Variants in ACOT7 observed in about 807,000 individuals in gnomAD.
The protein encoded by ACOT7 is acyl-CoA thioesterase 7.
ACOT7 carries 12 observed loss-of-function variants against 40.2 expected under a neutral mutation model. The ratio of observed to expected loss-of-function variants is 0.30; its 90% CI spans 0.19 to 0.48. The LOEUF (loss-of-function observed/expected upper bound fraction) is 0.48, where lower values mean the gene tolerates loss of function less well. ACOT7 is among the 20% of genes least tolerant of loss of function. ACOT7 has a pLI of 0.99. For missense variants in ACOT7, 395 were observed against 530.8 expected (o/e 0.74, Z 2.51); for synonymous variants, 228 against 219.5 (o/e 1.04, Z -0.34).
Position 6,327,284 on chromosome 1 carries a change from G to C in ACOT7, c.625+15C>G, listed in dbSNP as rs748238967. ...GTGAGGAGTGGCACCTGCTGCTGGT[G>C]TCCGCGGCTCTTACCTGGGTTGAGG... On this transcript the variant is annotated intron_variant, in intron 5 of 8. Transcript: ENST00000361521. 6.2e-7 allele frequency: 1 copy of C among 1,613,468 alleles called. No homozygotes were observed. The highest frequency in any genetic ancestry group is 8.5e-7 in the Non-Finnish European group (1 of 1,179,498).
At chr1:6,360,723 G>C (rs1382470450) in intron 1 of ACOT7, 1 of 1,608,844 alleles carries the variant, frequency 6.2e-7, no homozygotes, top group African/African-American at 1.3e-5. Flanking sequence ...ATGAGCCTGG[G>C]CCCCAATACT....
rs377615566 is a variant in ACOT7 at position 6,270,327 on chromosome 1, G to C, written c.1015-5632C>G. Among the ~76,000 whole-genome samples the C allele has an allele frequency of 2.0e-5, 3 of 152,228 alleles. No individual in the cohort carries two copies. In the East Asian group the frequency reaches 5.8e-4, roughly 29 times the overall value. On this transcript the variant is annotated intron_variant, in intron 8 of 8. Transcript: ENST00000361521. ...GGTTGGGGGTGGGTGGAGGACGAAA[G>C]AACGCTCTGCGGGAAGACAGATGTC...
chr1:6,377,855 G>T (rs1642262803), intron 1 of ACOT7, among the ~76,000 whole-genome samples: 1 of 152,164 alleles, frequency 6.6e-6, no homozygotes, highest in South Asian at 2.1e-4. Context: ...CGGATCACAA[G>T]GTCAGGAGAT....
rs573093670 is a variant in ACOT7, at chr1:6,276,905, C to T, written c.1014+4197G>A. ...GCGGCCACACCCAGGGGATGGGCTG[C>T]CATTCCCTCCATTCAAGCTGGCGCC... On this transcript the variant is annotated intron_variant, in intron 8 of 8. Coordinates refer to ENST00000361521, the MANE Select transcript of ACOT7 (RefSeq NM_007274.4). Among the ~76,000 whole-genome samples, 19 of 152,248 alleles carry T rather than the reference C, an allele frequency of 1.2e-4. No individual in the cohort carries two copies. The South Asian group carries it at 3.9e-3, about 32-fold the overall frequency.
Position 6,306,119 on chromosome 1 carries a change from A to C in ACOT7, c.713-11139T>G, listed in dbSNP as rs1164880648. 2.0e-6 allele frequency: 1 copy of C among 495,334 alleles called. No homozygotes were observed. Among genetic ancestry groups the C allele is most frequent in the Non-Finnish European group, 2.6e-6 (1 of 385,476 alleles). The allele number at this position is 495,334 out of a possible 1,614,324, so 30.7% of individuals were successfully genotyped here. ...CAGGAGAATCAGGCAGGGAGGTTGC[A>C]GTGAGCCAAGATGGCAGCAGCACAG... On this transcript the variant is annotated intron_variant, in intron 6 of 8. Transcript: ENST00000361521. The surrounding 1 kb of genome is among the most constrained non-coding windows in gnomAD (Gnocchi z 4.3).
intron 3 of ACOT7, among the ~76,000 whole-genome samples, chr1:6,334,454 A>C (rs1641045492): frequency 6.6e-6 from 1 of 152,196 alleles, no homozygotes. Flanking sequence ...GGGGAGGGGC[A>C]GGGGGGACGG....
At position 6,288,790 on chromosome 1, in the gene ACOT7, C is replaced by T. The variant is rs1639582535; in HGVS notation, c.829+6074G>A. Among the ~76,000 whole-genome samples, 1 of 152,216 alleles carries T rather than the reference C, an allele frequency of 6.6e-6. No homozygotes were observed. Among genetic ancestry groups the T allele is most frequent in the African/African-American group, 2.4e-5 (1 of 41,456 alleles). On this transcript the variant is annotated intron_variant, in intron 7 of 8. Transcript: ENST00000361521. The surrounding 1 kb of genome is among the most constrained non-coding windows in gnomAD (Gnocchi z 4.3). ...CCAGCCACGACAAGTGCCCCAAGTT[C>T]GTAAGTTCCTCCTAGGCACACACCC...
chr1:6,265,852 A>G (rs559898441), intron 8 of ACOT7, among the ~76,000 whole-genome samples: 2 of 152,188 alleles, frequency 1.3e-5, no homozygotes, highest in Non-Finnish European at 2.9e-5. Context: ...CTGTACAGCT[A>G]TTTTTGGGCC....
chr1:6,298,963 T>C (rs1639887968), intron 6 of ACOT7, among the ~76,000 whole-genome samples: 1 of 152,202 alleles, frequency 6.6e-6, no homozygotes, highest in African/African-American at 2.4e-5. Context: ...TACCACAGTG[T>C]GGTTCAGGAG....
intron 5 of ACOT7, among the ~76,000 whole-genome samples, chr1:6,324,443 TACAG>T (rs1640744284): frequency 6.6e-6 from 1 of 152,110 alleles, no homozygotes; most frequent in African/African-American, 2.4e-5. Flanking sequence ...CGTGTAGATT[TACAG>T]TCAATCGGAG....
At chr1:6,337,919 C>T (rs992890152) in intron 3 of ACOT7, among the ~76,000 whole-genome samples, 1 of 148,274 alleles carries the variant, frequency 6.7e-6, no homozygotes, top group Admixed American at 6.9e-5. Flanking sequence ...GAGAATAGCT[C>T]GAACCTGGGA....
chr1:6,291,670 C>A (rs1430126199), intron 7 of ACOT7, among the ~76,000 whole-genome samples: 1 of 152,176 alleles, frequency 6.6e-6, no homozygotes, highest in Non-Finnish European at 1.5e-5. Flanking sequence ...TGCCCCCACC[C>A]GGCAGGGCAG....
chr1:6,280,764 C>T (rs1462723600), intron 8 of ACOT7, among the ~76,000 whole-genome samples: 2 of 152,258 alleles, frequency 1.3e-5, no homozygotes, highest in Non-Finnish European at 2.9e-5. Context: ...AGGCGCCACA[C>T]TCAGAGGCGA....
chr1:6,389,754 G>T (rs1279852758), intron 1 of ACOT7, among the ~76,000 whole-genome samples: 1 of 146,560 alleles, frequency 6.8e-6, no homozygotes. Flanking sequence ...TAGCCTGGGG[G>T]ACAGGGCAAG....
At chr1:6,277,394 GGCT>G (rs1422885115) in intron 8 of ACOT7, among the ~76,000 whole-genome samples, 3 of 152,198 alleles carry the variant, frequency 2.0e-5, no homozygotes, top group East Asian at 1.9e-4. Flanking sequence ...AGCTTTGAAG[GGCT>G]GCTATTGGGA....
chr1:6,340,435 T>G (rs1201519787), intron 2 of ACOT7, among the ~76,000 whole-genome samples: 1 of 152,134 alleles, frequency 6.6e-6, no homozygotes, highest in African/African-American at 2.4e-5. Flanking sequence ...TAATATAAAG[T>G]GAACAAATGC....
At chr1:6,279,561 G>A (rs1328933990) in intron 8 of ACOT7, among the ~76,000 whole-genome samples, 1 of 152,232 alleles carries the variant, frequency 6.6e-6, no homozygotes, top group Non-Finnish European at 1.5e-5. Flanking sequence ...CACAGGCATT[G>A]TGTTAGTGCC....
At chr1:6,269,425 C>T (rs998771357) in intron 8 of ACOT7, among the ~76,000 whole-genome samples, 1 of 152,224 alleles carries the variant, frequency 6.6e-6, no homozygotes, top group African/African-American at 2.4e-5. Context: ...CTGCCCTCAG[C>T]CATATTATCC....
chr1:6,265,160 G>A (rs919105652), intron 8 of ACOT7, among the ~76,000 whole-genome samples: 4 of 152,188 alleles, frequency 2.6e-5, no homozygotes, highest in African/African-American at 9.7e-5. Flanking sequence ...AAGGAAGAGG[G>A]ACCCTGCATT....
Sources: allele counts gnomAD v4.1 joint callset (sites outside exome capture counted in the v4.1 genomes callset), GRCh38; gene constraint gnomAD v4.1.1; non-coding constraint Gnocchi (gnomAD v3.1); transcripts MANE v1.5; gene names NCBI Gene and HGNC (gene_info 2026-07-23, HGNC 2026-07-21).